STEEP1: variants seen among roughly 807,000 people sequenced by gnomAD.
The protein encoded by STEEP1 is STING ER exit protein.
In STEEP1, 3 loss-of-function variants were observed where a neutral mutation model predicts 19.2. The observed-to-expected ratio is 0.16, with a 90% CI of 0.07 to 0.40. The LOEUF is 0.40. Ranked by LOEUF, STEEP1 falls within the 10% of genes least tolerant of loss-of-function variation. STEEP1 has a pLI of 0.99. For missense variants in STEEP1, 54 were observed against 177.1 expected, an observed-to-expected ratio of 0.30 and a Z score of 3.94; for synonymous variants, 46 against 63.7, an observed-to-expected ratio of 0.72 and a Z score of 1.32.
intron 2 of STEEP1, among the ~76,000 whole-genome samples, chrX:119,556,250 G>A (rs2053277385): frequency 9.0e-6 from 1 of 110,807 alleles, no homozygotes. Context: ...GGGGGGAAGG[G>A]GACTGGAATA....
At chrX:119,556,469 G>A (rs113549523) in intron 2 of STEEP1, among the ~76,000 whole-genome samples, 1 of 109,881 alleles carries the variant, frequency 9.1e-6, no homozygotes, top group Non-Finnish European at 1.9e-5. Flanking sequence ...TGTAGTCCCA[G>A]CTACTCAGGA....
intron 2 of STEEP1, among the ~76,000 whole-genome samples, chrX:119,547,728 T>C (rs1326669234): frequency 2.7e-5 from 3 of 111,872 alleles, no homozygotes; most frequent in Non-Finnish European, 5.6e-5. Flanking sequence ...AATCTTCTTT[T>C]CTCACATAAT....
chrX:119,551,891 C>A (rs1391114553), intron 2 of STEEP1, among the ~76,000 whole-genome samples: 1 of 87,540 alleles, frequency 1.1e-5, no homozygotes, highest in African/African-American at 4.1e-5. Flanking sequence ...CAAGTCCAGG[C>A]TTCCAAAACT....
intron 4 of STEEP1, among the ~76,000 whole-genome samples, chrX:119,543,233 A>C (rs984197050): frequency 9.3e-6 from 1 of 107,954 alleles, no homozygotes; most frequent in African/African-American, 3.4e-5. Context: ...ATTGTTGCCC[A>C]GCCTGAAGTG....
chrX:119,556,539 C>T (rs1163071065), intron 2 of STEEP1, among the ~76,000 whole-genome samples: 6 of 103,943 alleles, frequency 5.8e-5, no homozygotes, highest in Admixed American at 1.1e-4. Flanking sequence ...GCTGAGATCA[C>T]GCCACTGCAC....
At chrX:119,564,324 C>T (rs890797510) in intron 1 of STEEP1, among the ~76,000 whole-genome samples, 1 of 110,586 alleles carries the variant, frequency 9.0e-6, no homozygotes, top group South Asian at 3.8e-4. Flanking sequence ...GTGAAACCCC[C>T]GTCTCTACTA....
At chrX:119,560,703 AG>A (rs1322337420) in intron 1 of STEEP1, among the ~76,000 whole-genome samples, 2 of 111,633 alleles carry the variant, frequency 1.8e-5, no homozygotes, top group Non-Finnish European at 3.8e-5. Flanking sequence ...ACTGCAATTC[AG>A]GTTTCTGTAA....
chrX:119,542,651 C>G, intron 4 of STEEP1, 57 bp from the exon 5 acceptor site: 1 of 877,088 alleles, frequency 1.1e-6, no homozygotes, highest in Non-Finnish European at 1.7e-6. Flanking sequence ...ATCCATGAGC[C>G]GTGAGTGTGT....
At chrX:119,540,030 A>C (rs1456869220) in intron 6 of STEEP1, among the ~76,000 whole-genome samples, 1 of 111,666 alleles carries the variant, frequency 9.0e-6, no homozygotes, top group Non-Finnish European at 1.9e-5. Flanking sequence ...GGCCACAGGA[A>C]ATCAGCGCAG....
intron 1 of STEEP1, among the ~76,000 whole-genome samples, chrX:119,564,515 A>T (rs2053344717): frequency 9.9e-6 from 1 of 100,908 alleles, no homozygotes. Context: ...GGGGGGGGGA[A>T]ATACGAGGTA....
Position 119,539,601 on chromosome X carries a change from T to G in STEEP1, c.*126A>C, listed in dbSNP as rs2053149250. 1 of 461,695 alleles carries G rather than the reference T, an allele frequency of 2.2e-6. No individual in the cohort carries two copies. The highest frequency in any genetic ancestry group is 2.5e-5 in the African/African-American group (1 of 39,904). 38.0% of individuals were successfully genotyped at this position (461,695 alleles called of 1,213,427 possible). Reference sequence around the variant, plus strand: ...AAAGACCTCACTGAATGTAGGAGAATCAATGGGAAACAACGTAAAGCCTTC... The same window carrying G: ...AAAGACCTCACTGAATGTAGGAGAAGCAATGGGAAACAACGTAAAGCCTTC... On this transcript the variant is annotated 3_prime_UTR_variant, in exon 7 of 7. Transcript: ENST00000644802.
rs1486810022 is a variant in STEEP1, at chrX:119,541,331, C to T, written c.603G>A (p.Glu201=). ...CTTGCTACCCCTTGCTACTCACCAG[C>T]TCTTGCAGTCGCCTCTTGCTCATGC... is the stretch of plus-strand genomic sequence containing the variant. ...RKGMSKRRLQ[E]LAELEAKKAK... is the part of the protein sequence containing the mutation. Residue 201 remains glutamate (E), a synonymous_variant, in exon 6 of 7, where the codon GAG becomes GAA. Coordinates refer to ENST00000644802, the MANE Select transcript of STEEP1 (RefSeq NM_022101.4). 9 of 1,169,789 alleles carry T rather than the reference C, an allele frequency of 7.7e-6. No individual in the cohort carries two copies. Among genetic ancestry groups the T allele is most frequent in the Non-Finnish European group, 1.0e-5 (9 of 858,034 alleles).
intron 2 of STEEP1, among the ~76,000 whole-genome samples, chrX:119,559,463 C>T (rs1420986053): frequency 9.0e-6 from 1 of 111,176 alleles, no homozygotes; most frequent in Non-Finnish European, 1.9e-5. Context: ...AATCCTAGTT[C>T]AGGCTAAACA....
At chrX:119,560,665 T>A (rs1488270928) in intron 1 of STEEP1, among the ~76,000 whole-genome samples, 1 of 111,904 alleles carries the variant, frequency 8.9e-6, no homozygotes, top group Non-Finnish European at 1.9e-5. Context: ...ATGAGTTAGA[T>A]GATATTATCT....
chrX:119,563,296 C>A (rs2053333333), intron 1 of STEEP1, among the ~76,000 whole-genome samples: 1 of 85,134 alleles, frequency 1.2e-5, no homozygotes, highest in African/African-American at 3.8e-5. Context: ...TGCCTGTAAT[C>A]CCAGCACTTT....
rs760586618 is a variant in STEEP1 at position 119,560,164 on chromosome X, T to C, written c.242+104A>G. On this transcript the variant is annotated intron_variant, in intron 2 of 6. Transcript: ENST00000644802. ...AAAACCACCACAAATGTCAAAGTATTGGGACCAACTGACCTGTTCAACAAT... is the reference window on the plus strand; with the variant it reads ...AAAACCACCACAAATGTCAAAGTATCGGGACCAACTGACCTGTTCAACAAT... 1.1e-5 allele frequency: 6 copies of C among 550,644 alleles called. No individual in the cohort carries two copies. The South Asian group carries it at 1.8e-4, about 16-fold the overall frequency. The allele number at this position is 550,644 out of a possible 1,213,427, so 45.4% of individuals were successfully genotyped here.
intron 1 of STEEP1, among the ~76,000 whole-genome samples, chrX:119,564,364 C>T (rs1395868518): frequency 9.1e-6 from 1 of 109,671 alleles, no homozygotes; most frequent in African/African-American, 3.3e-5. Flanking sequence ...GGCATGGTGG[C>T]GGGCGCCTGT....
rs756312993 is a variant in STEEP1, at chrX:119,544,497, A to G, written c.285-6T>C. 2.5e-6 allele frequency: 3 copies of G among 1,206,467 alleles called. No individual in the cohort carries two copies. In the South Asian group the frequency reaches 5.3e-5, roughly 21 times the overall value. On this transcript the variant is annotated splice_polypyrimidine_tract_variant and splice_region_variant and intron_variant, in intron 3 of 6. Transcript: ENST00000644802. ...AGAAGAGCGGCAGTCCACACCTGCA[A>G]TGACACAGTGAATTTCTGCGAGGTC...
intron 2 of STEEP1, among the ~76,000 whole-genome samples, chrX:119,551,628 T>C (rs1352312885): frequency 9.0e-6 from 1 of 111,066 alleles, no homozygotes; most frequent in Non-Finnish European, 1.9e-5. Context: ...GGTTTATTGG[T>C]GAATGCCAGC....
Sources: allele counts gnomAD v4.1 joint callset (sites outside exome capture counted in the v4.1 genomes callset), GRCh38; gene constraint gnomAD v4.1.1; transcripts MANE v1.5; gene names NCBI Gene and HGNC (gene_info 2026-07-23, HGNC 2026-07-21).